Variants in WWOX observed in about 807,000 individuals in gnomAD.
WWOX encodes WW domain containing oxidoreductase.
A neutral mutation model predicts 46.2 loss-of-function variants in WWOX; 69 were observed. The observed-to-expected ratio is 1.49, with a 90% CI of 1.23 to 1.82. The LOEUF (loss-of-function observed/expected upper bound fraction) is 1.82, where lower values mean the gene tolerates loss of function less well. Ranked by LOEUF, WWOX falls within the 40% of genes most tolerant of loss-of-function variation. WWOX has a pLI of 0.00. For missense variants in WWOX, 919 were observed against 542.6 expected (o/e 1.69, Z -6.89); for synonymous variants, 359 against 202.6 (o/e 1.77, Z -6.56).
chr16:78,314,451 C>T (rs1351811829), intron 5 of WWOX, among the ~76,000 whole-genome samples: 1 of 145,988 alleles, frequency 6.8e-6, no homozygotes, highest in African/African-American at 2.5e-5. Context: ...GACCCCTGAA[C>T]ATTTATCCCC....
intron 5 of WWOX, among the ~76,000 whole-genome samples, chr16:78,357,737 C>T (rs1183286364): frequency 1.3e-5 from 2 of 152,134 alleles, no homozygotes; most frequent in Admixed American, 6.5e-5. Flanking sequence ...CTGGGTGCTA[C>T]ATATTTATTA....
chr16:78,373,239 A>G (rs929748330), intron 5 of WWOX, among the ~76,000 whole-genome samples: 5 of 152,126 alleles, frequency 3.3e-5, no homozygotes. Context: ...GCAGAGCACA[A>G]TTTTACCAAA....
chr16:78,571,620 G>T (rs1246782587), intron 8 of WWOX, among the ~76,000 whole-genome samples: 1 of 152,098 alleles, frequency 6.6e-6, no homozygotes, highest in Non-Finnish European at 1.5e-5. Flanking sequence ...TGTTATCTCC[G>T]CACTTAAGGA....
chr16:78,849,240 C>G (rs937631200), intron 8 of WWOX, among the ~76,000 whole-genome samples: 1 of 152,184 alleles, frequency 6.6e-6, no homozygotes, highest in Non-Finnish European at 1.5e-5. Context: ...CAGAGTCACT[C>G]ATTCCTAGAA....
intron 6 of WWOX, among the ~76,000 whole-genome samples, chr16:78,419,625 C>CGAAAAAAAAAAAAAAAAAAAAAAAA (rs1491558183): frequency 2.2e-5 from 1 of 44,692 alleles, no homozygotes. Context: ...CAAAAAATAG[C>CGAAAAAAAAAAAAAAAAAAAAAAAA]AAAAAAAAAA....
At chr16:79,135,482 A>G (rs934574445) in intron 8 of WWOX, among the ~76,000 whole-genome samples, 1 of 152,196 alleles carries the variant, frequency 6.6e-6, no homozygotes, top group African/African-American at 2.4e-5. Flanking sequence ...TCATCTATCC[A>G]TCTATTAAAA....
chr16:78,885,987 C>G (rs965958932), intron 8 of WWOX, among the ~76,000 whole-genome samples: 1 of 148,320 alleles, frequency 6.7e-6, no homozygotes, highest in Non-Finnish European at 1.5e-5. Context: ...TGCAGTAGCA[C>G]CATCTTGGCT....
intron 5 of WWOX, among the ~76,000 whole-genome samples, chr16:78,234,004 T>C (rs891117414): frequency 2.0e-5 from 3 of 152,186 alleles, no homozygotes; most frequent in Admixed American, 6.5e-5. Context: ...GCAGAAACAG[T>C]GTTCCTAACA....
intron 6 of WWOX, among the ~76,000 whole-genome samples, chr16:78,406,236 C>T (rs2082528984): frequency 7.1e-6 from 1 of 140,144 alleles, no homozygotes; most frequent in African/African-American, 2.6e-5. Flanking sequence ...CTTTATAGGA[C>T]TATTTGTGAA....
chr16:78,530,640 A>G (rs1477143870), intron 8 of WWOX, among the ~76,000 whole-genome samples: 6 of 152,164 alleles, frequency 3.9e-5, no homozygotes, highest in East Asian at 3.9e-4. Flanking sequence ...GTGGAAAAAC[A>G]GGGATATATG....
intron 6 of WWOX, among the ~76,000 whole-genome samples, chr16:78,419,903 G>T (rs890542838): frequency 6.6e-5 from 10 of 151,982 alleles, no homozygotes; most frequent in African/African-American, 2.4e-4. Flanking sequence ...TTAAATAAGG[G>T]ATTTGTATCT....
intron 8 of WWOX, among the ~76,000 whole-genome samples, chr16:78,821,214 C>T (rs2051483961): frequency 6.6e-6 from 1 of 152,052 alleles, no homozygotes; most frequent in Non-Finnish European, 1.5e-5. Context: ...TCTACTTATC[C>T]CTGCATGTTG....
intron 5 of WWOX, among the ~76,000 whole-genome samples, chr16:78,319,381 C>G (rs2080419175): frequency 6.6e-6 from 1 of 152,180 alleles, no homozygotes; most frequent in Admixed American, 6.5e-5. Flanking sequence ...CCACCTCAAC[C>G]TCCTAAGTAG....
At chr16:78,735,318 C>G (rs967582060) in intron 8 of WWOX, among the ~76,000 whole-genome samples, 32 of 120,606 alleles carry the variant, frequency 2.7e-4, no homozygotes, top group Middle Eastern at 4.0e-3. Flanking sequence ...CTTATTTTAT[C>G]TATCTATCAA....
chr16:78,242,171 T>C (rs2037672622), intron 5 of WWOX, among the ~76,000 whole-genome samples: 2 of 152,214 alleles, frequency 1.3e-5, no homozygotes, highest in Non-Finnish European at 1.5e-5. Flanking sequence ...ATAATTCAGA[T>C]TTCACTCTCC....
intron 8 of WWOX, among the ~76,000 whole-genome samples, chr16:78,651,179 G>A (rs2046957859): frequency 6.6e-6 from 1 of 152,224 alleles, no homozygotes; most frequent in Non-Finnish European, 1.5e-5. Flanking sequence ...AAGCATCAAA[G>A]TAGCACCACT....
intron 5 of WWOX, among the ~76,000 whole-genome samples, chr16:78,316,302 G>A (rs1286197040): frequency 6.6e-6 from 1 of 152,130 alleles, no homozygotes; most frequent in Admixed American, 6.6e-5. Flanking sequence ...GTTCTGTTGT[G>A]TACCTCAGAT....
chr16:79,190,724 T>C (rs1053211784), intron 8 of WWOX, among the ~76,000 whole-genome samples: 1 of 152,186 alleles, frequency 6.6e-6, no homozygotes, highest in African/African-American at 2.4e-5. Flanking sequence ...CTGCTGTTTG[T>C]TTTTGTAAAT....
At chr16:78,372,073 A>G (rs1311049420) in intron 5 of WWOX, among the ~76,000 whole-genome samples, 3 of 152,188 alleles carry the variant, frequency 2.0e-5, no homozygotes, top group Non-Finnish European at 4.4e-5. Context: ...GCTATGCCTA[A>G]TTGTGAAGGA....
Sources: allele counts gnomAD v4.1 joint callset (sites outside exome capture counted in the v4.1 genomes callset), GRCh38; gene constraint gnomAD v4.1.1; transcripts MANE v1.5; gene names NCBI Gene and HGNC (gene_info 2026-07-23, HGNC 2026-07-21).